The following GNPAT variants were observed in gnomAD, a reference collection of about 807,000 sequenced individuals.
The protein encoded by GNPAT is dihydroxyacetone phosphate acyltransferase.
In GNPAT, 30 loss-of-function variants were observed where a neutral mutation model predicts 78.4. That is an observed-to-expected ratio of 0.38 (90% CI 0.29 to 0.52). The LOEUF (loss-of-function observed/expected upper bound fraction) is 0.52, where lower values mean the gene tolerates loss of function less well. Ranked by LOEUF, GNPAT falls within the 20% of genes least tolerant of loss-of-function variation. GNPAT has a pLI of 0.84. For synonymous variants in GNPAT, 271 were observed against 281.1 expected, an observed-to-expected ratio of 0.96 and a Z score of 0.36; for missense variants, 714 against 812.2, an observed-to-expected ratio of 0.88 and a Z score of 1.47.
At chr1:231,275,999 C>A in intron 14 of GNPAT, 136 bp from the exon 15 acceptor site, 1 of 622,512 alleles carries the variant, frequency 1.6e-6, no homozygotes, top group East Asian at 2.8e-5. Flanking sequence ...GAGCCTGAGG[C>A]CTTTCGACTA....
chr1:231,273,412 C>T (rs929030066), intron 11 of GNPAT, among the ~76,000 whole-genome samples: 4 of 151,860 alleles, frequency 2.6e-5, no homozygotes, highest in African/African-American at 4.8e-5. Flanking sequence ...CCACTACGCC[C>T]GGCTAATTTT....
At position 231,270,899 on chromosome 1, in the gene GNPAT, C is replaced by G. The variant is rs1685545998; in HGVS notation, c.1421C>G (p.Thr474Ser). Residue 474 changes from threonine to serine, a missense_variant, in exon 10 of 16, where the codon ACT (threonine) becomes AGT (serine). By Grantham distance (58) the Thr-to-Ser change is moderately conservative (BLOSUM62 1). Transcript: ENST00000366647. ...GATGGGCTTATGCTCCAGCACATCA[C>G]TCTCCTCATGTGCTCAGCTTATAGG... ...VVDGLMLQHI[T>S]LLMCSAYRNQ... 1 of 1,613,834 alleles carries G rather than the reference C, an allele frequency of 6.2e-7. No homozygotes were observed. Among genetic ancestry groups the G allele is most frequent in the Non-Finnish European group, 8.5e-7 (1 of 1,179,794 alleles).
chr1:231,248,480 C>T (rs1684807128), intron 1 of GNPAT, among the ~76,000 whole-genome samples: 2 of 151,600 alleles, frequency 1.3e-5, no homozygotes, highest in Admixed American at 6.6e-5. Context: ...TGTAATCCAG[C>T]GCTTTGGGAG....
intron 9 of GNPAT, among the ~76,000 whole-genome samples, chr1:231,268,629 C>T (rs1287421997): frequency 6.7e-6 from 1 of 149,838 alleles, no homozygotes; most frequent in African/African-American, 2.5e-5. Context: ...AAAAAAAGGC[C>T]GGGCGTGGTG....
At chr1:231,264,643 A>G (rs1362354774) in intron 4 of GNPAT, among the ~76,000 whole-genome samples, 2 of 152,232 alleles carry the variant, frequency 1.3e-5, no homozygotes, top group Non-Finnish European at 2.9e-5. Context: ...GAGAAAGACT[A>G]TTTTAAAACT....
intron 2 of GNPAT, among the ~76,000 whole-genome samples, chr1:231,252,174 C>T (rs926699298): frequency 6.6e-6 from 1 of 152,026 alleles, no homozygotes; most frequent in African/African-American, 2.4e-5. Flanking sequence ...TGGAATAATC[C>T]CTTTGTGCAG....
intron 2 of GNPAT, chr1:231,258,280 C>T (rs1414635913): frequency 2.6e-5 from 4 of 152,274 alleles, no homozygotes; most frequent in Non-Finnish European, 5.9e-5. Context: ...GTTCCTATAA[C>T]CAGGTGTCTG....
chr1:231,241,361 C>G lies in GNPAT; in HGVS notation c.-18C>G. On this transcript the variant is annotated 5_prime_UTR_variant, in exon 1 of 16. Coordinates refer to ENST00000366647, the MANE Select transcript of GNPAT (RefSeq NM_014236.4). Reference sequence around the variant, plus strand: ...TTAGCAAAGAATCCCAGACCCCGCCCGGGAAGGCAGCCGCACCATGGAGTC... The same window carrying G: ...TTAGCAAAGAATCCCAGACCCCGCCGGGGAAGGCAGCCGCACCATGGAGTC... 1.2e-6 allele frequency: 2 copies of G among 1,604,678 alleles called. No individual in the cohort carries two copies. The highest frequency in any genetic ancestry group is 1.3e-5 in the African/African-American group (1 of 74,868).
chr1:231,257,894 A>G (rs778481374), intron 2 of GNPAT, among the ~76,000 whole-genome samples: 3 of 152,036 alleles, frequency 2.0e-5, no homozygotes, highest in Non-Finnish European at 4.4e-5. Flanking sequence ...TGTGGTGTCT[A>G]TTTCAGGGCT....
chr1:231,269,203 G>C (rs1685480599), intron 9 of GNPAT, among the ~76,000 whole-genome samples: 1 of 152,168 alleles, frequency 6.6e-6, no homozygotes, highest in African/African-American at 2.4e-5. Context: ...GTGCTGCAGA[G>C]GAAAGGGACC....
At position 231,253,031 on chromosome 1, in the gene GNPAT, C is replaced by T. The variant is rs183214196; in HGVS notation, c.261+1888C>T. 2.4e-3 allele frequency among the ~76,000 whole-genome samples: 361 copies of T among 152,258 alleles called. 3 individuals are homozygous for T. The highest frequency in any genetic ancestry group is 8.4e-3 in the African/African-American group (348 of 41,538). ...TTGCCCAGGCTGGAGTGCAGTATCG[C>T]GATCTCGGCTCACTGCAAGCTCCGC... On this transcript the variant is annotated intron_variant, in intron 2 of 15. Transcript: ENST00000366647.
At chr1:231,245,522 A>G (rs1558323097) in intron 1 of GNPAT, among the ~76,000 whole-genome samples, 1 of 152,064 alleles carries the variant, frequency 6.6e-6, no homozygotes, top group South Asian at 2.1e-4. Flanking sequence ...GATCACTGGG[A>G]TTACAGAGTG....
At chr1:231,249,258 A>G (rs1684828603) in intron 1 of GNPAT, among the ~76,000 whole-genome samples, 1 of 152,210 alleles carries the variant, frequency 6.6e-6, no homozygotes, top group Admixed American at 6.5e-5. Context: ...TTTACATGAG[A>G]ACTCCAACAG....
At chr1:231,270,655 A>AC in intron 9 of GNPAT, 103 bp from the exon 10 acceptor site, 1 of 1,139,360 alleles carries the variant, frequency 8.8e-7, no homozygotes, top group Non-Finnish European at 1.3e-6. Context: ...TGTCACTTGA[A>AC]AATGAGCATC....
chr1:231,269,167 A>C (rs1357869984), intron 9 of GNPAT, among the ~76,000 whole-genome samples: 1 of 151,704 alleles, frequency 6.6e-6, no homozygotes, highest in African/African-American at 2.4e-5. Flanking sequence ...AAGGAGCAAC[A>C]TGCATGCTGC....
At chr1:231,275,370 C>A in intron 13 of GNPAT, 35 bp from the exon 14 acceptor site, 1 of 1,542,016 alleles carries the variant, frequency 6.5e-7, no homozygotes, top group Non-Finnish European at 9.0e-7. Flanking sequence ...AGAATAGAAA[C>A]TGGTCAACTA....
At chr1:231,260,177 T>C (rs1558330959) in intron 2 of GNPAT, among the ~76,000 whole-genome samples, 2 of 152,204 alleles carry the variant, frequency 1.3e-5, no homozygotes, top group Non-Finnish European at 2.9e-5. Flanking sequence ...GAAGCCACTA[T>C]TTGCTAGGAC....
Position 231,273,248 on chromosome 1 carries a change from CTTTTTT to C in GNPAT, c.1603-658_1603-653del, listed in dbSNP as rs574185259. ...GGGAGTGGAACAGGAGTGTTGGAAACTTTTTTTTTTTTTTTTTTTTTGAGGTGGAGT... is the reference window on the plus strand; with the variant it reads ...GGGAGTGGAACAGGAGTGTTGGAAACTTTTTTTTTTTTTTTGAGGTGGAGT... On this transcript the variant is annotated intron_variant, in intron 11 of 15. Transcript: ENST00000366647. Among the ~76,000 whole-genome samples, 3 of 122,712 alleles carry C rather than the reference CTTTTTT, an allele frequency of 2.4e-5. No individual in the cohort carries two copies. In the South Asian group the frequency reaches 7.9e-4, roughly 32 times the overall value. The allele number at this position is 122,712 out of a possible 152,430, so 80.5% of individuals were successfully genotyped here.
intron 1 of GNPAT, among the ~76,000 whole-genome samples, chr1:231,248,674 AAC>A (rs969150807): frequency 6.6e-6 from 1 of 152,198 alleles, no homozygotes; most frequent in Non-Finnish European, 1.5e-5. Flanking sequence ...CACACACACA[AAC>A]ACACACAGAG....
Sources: allele counts gnomAD v4.1 joint callset (sites outside exome capture counted in the v4.1 genomes callset), GRCh38; gene constraint gnomAD v4.1.1; transcripts MANE v1.5; gene names NCBI Gene and HGNC (gene_info 2026-07-23, HGNC 2026-07-21).